ACSF3: variants seen among roughly 807,000 people sequenced by gnomAD.
ACSF3 encodes malonate--CoA ligase ACSF3, mitochondrial.
Under a neutral mutation model 53.2 loss-of-function variants are expected in ACSF3, and 78 were observed. That is an observed-to-expected ratio of 1.47 (90% CI 1.22 to 1.77). The LOEUF is 1.77. ACSF3 is among the 40% of genes most tolerant of loss of function. ACSF3 has a pLI of 0.00. For synonymous variants in ACSF3, 414 were observed against 333.1 expected (o/e 1.24, Z -2.65); for missense variants, 937 against 771.1 (o/e 1.22, Z -2.55).
intron 3 of ACSF3, 51 bp downstream of exon 3, chr16:89,101,398 G>C (rs924604910): frequency 1.1e-5 from 17 of 1,549,138 alleles, no homozygotes; most frequent in Middle Eastern, 2.1e-4. Flanking sequence ...CAGCACTCCG[G>C]GTGGGCTCCG....
intron 7 of ACSF3, among the ~76,000 whole-genome samples, chr16:89,128,426 A>T (rs1034004466): frequency 6.6e-6 from 1 of 151,610 alleles, no homozygotes; most frequent in Non-Finnish European, 1.5e-5. Context: ...ACGCCCAGCT[A>T]ATTTTTTGTA....
At chr16:89,117,954 G>A (rs1274035389) in intron 6 of ACSF3, among the ~76,000 whole-genome samples, 2 of 110,054 alleles carry the variant, frequency 1.8e-5, no homozygotes, top group African/African-American at 7.0e-5. Context: ...GCCCACAGTA[G>A]GTTCCCTCAG....
At chr16:89,146,980 G>GT (rs1040917684) in intron 10 of ACSF3, among the ~76,000 whole-genome samples, 2 of 151,974 alleles carry the variant, frequency 1.3e-5, no homozygotes, top group African/African-American at 2.4e-5. Flanking sequence ...AATTTCTTTT[G>GT]TTTTTTTAAT....
At chr16:89,106,296 A>AT (rs11393084) in intron 4 of ACSF3, among the ~76,000 whole-genome samples, 103,480 of 147,296 alleles carry the variant, frequency 0.7, 36,822 homozygotes, top group Admixed American at 0.77. Context: ...TGAAAACTTA[A>AT]TTTTTTTTTT....
At chr16:89,121,396 G>C (rs1045155208) in intron 7 of ACSF3, among the ~76,000 whole-genome samples, 1 of 152,204 alleles carries the variant, frequency 6.6e-6, no homozygotes, top group Non-Finnish European at 1.5e-5. Context: ...GCACGCGGAG[G>C]TGGGTGCCTG....
intron 4 of ACSF3, among the ~76,000 whole-genome samples, chr16:89,106,952 A>G (rs1489854480): frequency 6.6e-6 from 1 of 152,226 alleles, no homozygotes; most frequent in Non-Finnish European, 1.5e-5. Context: ...CAAAGTCACC[A>G]CTGACGAGAC....
chr16:89,145,122 G>C, intron 8 of ACSF3, 145 bp from the exon 9 acceptor site: 1 of 1,597,298 alleles, frequency 6.3e-7, no homozygotes, highest in East Asian at 2.2e-5. Context: ...TCTCCGTTGG[G>C]GTTGCCACAG....
intron 6 of ACSF3, among the ~76,000 whole-genome samples, chr16:89,116,571 A>G (rs1905148966): frequency 6.6e-6 from 1 of 152,168 alleles, no homozygotes; most frequent in South Asian, 2.1e-4. Flanking sequence ...GAGCAGAATG[A>G]CAGGGCCATG....
intron 8 of ACSF3, among the ~76,000 whole-genome samples, chr16:89,135,378 G>A (rs893184741): frequency 6.6e-5 from 10 of 152,252 alleles, no homozygotes; most frequent in Admixed American, 6.5e-5. Context: ...CTGTGAGGCA[G>A]GTGTGCTAGG....
intron 10 of ACSF3, chr16:89,153,116 G>A (rs11640513): frequency 6.6e-6 from 1 of 152,514 alleles, no homozygotes; most frequent in Non-Finnish European, 1.5e-5. Context: ...AAGAAACCAC[G>A]ACACTTGGTT....
chr16:89,136,941 ACTC>A (rs1356243483), intron 8 of ACSF3: 1 of 1,108,292 alleles, frequency 9.0e-7, no homozygotes, highest in Non-Finnish European at 1.2e-6. Flanking sequence ...GTCTCAGGTA[ACTC>A]CTCTGACGGC....
chr16:89,121,769 G>A (rs1391001539), intron 7 of ACSF3, among the ~76,000 whole-genome samples: 5 of 152,218 alleles, frequency 3.3e-5, no homozygotes, highest in Non-Finnish European at 2.9e-5. Context: ...CTGAGGGGCC[G>A]TGGGCCTTGC....
At chr16:89,147,383 A>G (rs1373389777) in intron 10 of ACSF3, among the ~76,000 whole-genome samples, 1 of 25,952 alleles carries the variant, frequency 3.9e-5, no homozygotes. Flanking sequence ...GTGAGGGAGG[A>G]GGGAGGGGTC....
intron 7 of ACSF3, among the ~76,000 whole-genome samples, chr16:89,129,220 C>G (rs1309317899): frequency 6.6e-6 from 1 of 152,136 alleles, no homozygotes; most frequent in African/African-American, 2.4e-5. Context: ...GTTTTCTCAC[C>G]ACTTGTTCTG....
intron 1 of ACSF3, among the ~76,000 whole-genome samples, chr16:89,094,937 G>C (rs1974436967): frequency 6.6e-6 from 1 of 152,192 alleles, no homozygotes; most frequent in African/African-American, 2.4e-5. Flanking sequence ...TATTTGAACT[G>C]GGCTTGGAAG....
chr16:89,095,370 TC>T (rs1302248340), intron 1 of ACSF3: 1 of 152,258 alleles, frequency 6.6e-6, no homozygotes, highest in Non-Finnish European at 1.5e-5. Context: ...GATATGGGTT[TC>T]AAGTGTATTT....
chr16:89,099,215 G>A (rs1974972988), intron 2 of ACSF3, among the ~76,000 whole-genome samples: 1 of 152,260 alleles, frequency 6.6e-6, no homozygotes, highest in Non-Finnish European at 1.5e-5. Flanking sequence ...CGTGGGCAGT[G>A]TCCTCTGGCT....
intron 6 of ACSF3, 72 bp downstream of exon 6, chr16:89,114,559 A>G: frequency 6.3e-7 from 1 of 1,594,162 alleles, no homozygotes; most frequent in Non-Finnish European, 8.5e-7. Context: ...CCAGTCTCGA[A>G]CCACCCACAT....
At chr16:89,104,291 G>T (rs1975712451) in intron 4 of ACSF3, among the ~76,000 whole-genome samples, 1 of 152,240 alleles carries the variant, frequency 6.6e-6, no homozygotes, top group Non-Finnish European at 1.5e-5. Context: ...GTATCATGAT[G>T]GTTCTCAGCA....
Sources: allele counts gnomAD v4.1 joint callset (sites outside exome capture counted in the v4.1 genomes callset), GRCh38; gene constraint gnomAD v4.1.1; transcripts MANE v1.5; gene names NCBI Gene and HGNC (gene_info 2026-07-23, HGNC 2026-07-21).